SMURF1: variants seen among roughly 807,000 people sequenced by gnomAD.
SMURF1 encodes E3 ubiquitin-protein ligase SMURF1.
In SMURF1, 44 loss-of-function variants were observed where a neutral mutation model predicts 98.0. The ratio of observed to expected loss-of-function variants is 0.45; its 90% CI spans 0.35 to 0.58. The LOEUF is 0.58. Among genes scored for constraint, SMURF1 ranks in the 20% least tolerant of loss-of-function variants. The probability of loss-of-function intolerance (pLI) is 0.00; values close to 1 mark genes in which losing one functional copy is unlikely to be tolerated. For missense variants in SMURF1, 687 were observed against 938.4 expected (o/e 0.73, Z 3.50); for synonymous variants, 396 against 374.9 (o/e 1.06, Z -0.65).
chr7:99,122,899 A>G (rs1797672952), intron 1 of SMURF1, among the ~76,000 whole-genome samples: 1 of 151,964 alleles, frequency 6.6e-6, no homozygotes, highest in African/African-American at 2.4e-5. Context: ...AACTTGGTTC[A>G]TGAGTTCAAA....
intron 1 of SMURF1, among the ~76,000 whole-genome samples, chr7:99,103,423 T>C (rs1202361027): frequency 2.0e-5 from 3 of 152,226 alleles, no homozygotes; most frequent in Non-Finnish European, 4.4e-5. Flanking sequence ...CTGTGTTTAC[T>C]ATTACAATTA....
At chr7:99,041,999 C>T in intron 12 of SMURF1, 119 bp downstream of exon 12, 4 of 779,366 alleles carry the variant, frequency 5.1e-6, no homozygotes, top group Non-Finnish European at 8.6e-6. Context: ...CCATGTTTTG[C>T]TTACCACTGT....
At chr7:99,119,813 G>A (rs1244005688) in intron 1 of SMURF1, among the ~76,000 whole-genome samples, 2 of 152,182 alleles carry the variant, frequency 1.3e-5, no homozygotes, top group South Asian at 2.1e-4. Context: ...AAGAGAGATT[G>A]TATAAAATAC....
At chr7:99,072,617 T>G (rs929259083) in intron 1 of SMURF1, among the ~76,000 whole-genome samples, 2 of 152,054 alleles carry the variant, frequency 1.3e-5, no homozygotes, top group African/African-American at 4.8e-5. Flanking sequence ...GACTCCAGCC[T>G]GGAGACAGAG....
chr7:99,113,883 C>CTGAG (rs1797383052), intron 1 of SMURF1, among the ~76,000 whole-genome samples: 1 of 143,312 alleles, frequency 7.0e-6, no homozygotes, highest in Non-Finnish European at 1.5e-5. Context: ...AGACAGTAAC[C>CTGAG]TGAGAAATAA....
intron 1 of SMURF1, among the ~76,000 whole-genome samples, chr7:99,112,907 G>GTTC (rs1244753933): frequency 6.6e-6 from 1 of 152,052 alleles, no homozygotes; most frequent in African/African-American, 2.4e-5. Flanking sequence ...CAGCAGATTT[G>GTTC]AACAGGTAAA....
At chr7:99,111,263 T>C (rs1797314685) in intron 1 of SMURF1, among the ~76,000 whole-genome samples, 1 of 152,064 alleles carries the variant, frequency 6.6e-6, no homozygotes, top group Non-Finnish European at 1.5e-5. Flanking sequence ...TCCAAAATCA[T>C]AAGAGAAAAA....
chr7:99,121,254 G>A (rs1386393292), intron 1 of SMURF1: 3 of 148,262 alleles, frequency 2.0e-5, no homozygotes, highest in Non-Finnish European at 4.5e-5. Flanking sequence ...AAAATAGTGT[G>A]AGTTGAGATT....
chr7:99,091,992 G>C (rs963914184), intron 1 of SMURF1, among the ~76,000 whole-genome samples: 1 of 152,128 alleles, frequency 6.6e-6, no homozygotes, highest in Non-Finnish European at 1.5e-5. Context: ...GTCCGGTTTG[G>C]CTATTTCCCA....
At chr7:99,073,060 C>G (rs1211203706) in intron 1 of SMURF1, among the ~76,000 whole-genome samples, 2 of 152,162 alleles carry the variant, frequency 1.3e-5, no homozygotes, top group African/African-American at 4.8e-5. Flanking sequence ...TTCACTGACT[C>G]ACGCTACTTC....
intron 1 of SMURF1, among the ~76,000 whole-genome samples, chr7:99,097,249 T>C (rs1046335722): frequency 6.6e-6 from 1 of 152,144 alleles, no homozygotes; most frequent in Non-Finnish European, 1.5e-5. Context: ...AAACTCTAAC[T>C]TGAGCTTCAC....
At chr7:99,113,985 T>G (rs1163034462) in intron 1 of SMURF1, among the ~76,000 whole-genome samples, 1 of 152,068 alleles carries the variant, frequency 6.6e-6, no homozygotes, top group Non-Finnish European at 1.5e-5. Flanking sequence ...AAAATATGAT[T>G]TAACAGATGG....
intron 3 of SMURF1, 98 bp from the exon 4 acceptor site, chr7:99,057,649 G>C (rs371251394): frequency 1.5e-5 from 20 of 1,359,690 alleles, no homozygotes; most frequent in East Asian, 1.3e-4. Context: ...GTTGCCCCCA[G>C]GCTGGAGTGC....
At chr7:99,095,528 A>C (rs1796939121) in intron 1 of SMURF1, among the ~76,000 whole-genome samples, 1 of 152,190 alleles carries the variant, frequency 6.6e-6, no homozygotes, top group African/African-American at 2.4e-5. Context: ...ACCAGCTATA[A>C]TCTTACTTTT....
chr7:99,107,904 C>T (rs564938423), intron 1 of SMURF1, among the ~76,000 whole-genome samples: 5 of 152,212 alleles, frequency 3.3e-5, no homozygotes, highest in East Asian at 3.9e-4. Context: ...CACACCTGAC[C>T]CAGAAACTAG....
At chr7:99,038,253 C>T (rs989742854) in intron 14 of SMURF1, 135 bp downstream of exon 14, 10 of 1,095,662 alleles carry the variant, frequency 9.1e-6, no homozygotes, top group Non-Finnish European at 1.3e-5. Flanking sequence ...TGAAAGTCGC[C>T]TCTGTTCATG....
intron 16 of SMURF1, among the ~76,000 whole-genome samples, chr7:99,033,543 A>C (rs1795001466): frequency 6.6e-6 from 1 of 152,156 alleles, no homozygotes. Flanking sequence ...GGATCACCTC[A>C]GGTGATCCAC....
chr7:99,071,260 A>C (rs552910675), intron 1 of SMURF1, among the ~76,000 whole-genome samples: 1 of 152,216 alleles, frequency 6.6e-6, no homozygotes, highest in South Asian at 2.1e-4. Flanking sequence ...AGGTTTCGCC[A>C]TGTTGGCCAG....
intron 3 of SMURF1, among the ~76,000 whole-genome samples, chr7:99,058,754 ATATCT>A (rs1256348254): frequency 2.0e-5 from 3 of 152,208 alleles, no homozygotes; most frequent in African/African-American, 7.2e-5. Context: ...TTTGATGAAA[ATATCT>A]TAGTAGGAAC....
Sources: allele counts gnomAD v4.1 joint callset (sites outside exome capture counted in the v4.1 genomes callset), GRCh38; gene constraint gnomAD v4.1.1; transcripts MANE v1.5; gene names NCBI Gene and HGNC (gene_info 2026-07-23, HGNC 2026-07-21).